ZBTB2: variants seen among roughly 807,000 people sequenced by gnomAD.
ZBTB2 encodes the protein zinc finger and BTB domain containing 2.
Under a neutral mutation model 39.5 loss-of-function variants are expected in ZBTB2, and 2 were observed. That is an observed-to-expected ratio of 0.05 (90% CI 0.02 to 0.16). ZBTB2 has a LOEUF of 0.16. Among genes scored for constraint, ZBTB2 ranks in the 10% least tolerant of loss-of-function variants. The pLI is 1.00. For missense variants in ZBTB2, 391 were observed against 653.0 expected, an observed-to-expected ratio of 0.60 and a Z score of 4.37; for synonymous variants, 251 against 256.6, an observed-to-expected ratio of 0.98 and a Z score of 0.21.
chr6:151,391,463 T>G lies in ZBTB2; in HGVS notation c.-56A>C, dbSNP rs79626929. On this transcript the variant is annotated 5_prime_UTR_variant, in exon 1 of 3. Transcript: ENST00000325144. ...CGGCGGGGGGTGTGGAGGAGGCGCC[T>G]CTGGGCAGCCTCGGCCGTGCTGTCC... The G allele has an allele frequency of 0.37, 55,869 of 151,754 alleles. 12,355 individuals carry two copies. The highest frequency in any genetic ancestry group is 0.69 in the East Asian group (3,400 of 4,960). The allele number at this position is 151,754 out of a possible 1,614,324, so 9.4% of individuals were successfully genotyped here.
intron 1 of ZBTB2, among the ~76,000 whole-genome samples, chr6:151,390,517 C>G (rs1351611751): frequency 2.7e-5 from 4 of 150,262 alleles, no homozygotes; most frequent in Non-Finnish European, 6.0e-5. Flanking sequence ...ACGCCCCGGC[C>G]GGCGCAACAG....
intron 1 of ZBTB2, among the ~76,000 whole-genome samples, chr6:151,381,197 G>GA (rs1779028107): frequency 6.6e-6 from 1 of 152,088 alleles, no homozygotes; most frequent in South Asian, 2.1e-4. Flanking sequence ...ATGACCTTGC[G>GA]AAAGGGCAAA....
intron 2 of ZBTB2, among the ~76,000 whole-genome samples, chr6:151,371,191 C>T (rs947180496): frequency 6.6e-6 from 1 of 152,184 alleles, no homozygotes. Context: ...GTTGTCCCAT[C>T]TGCTCCTCCA....
rs1272542854 is a variant in ZBTB2 at position 151,366,575 on chromosome 6, G to T, written c.491C>A (p.Ser164Tyr). 3 of 1,613,982 alleles carry T rather than the reference G, an allele frequency of 1.9e-6. No homozygotes were observed. In the African/African-American group the frequency reaches 4.0e-5, roughly 22 times the overall value. ...KLGRDPRPQT[S>Y]RISQEQVPEA... ...AGGGACCTGCTCCTGGCTTATCCTG[G>T]AGGTCTGTGGCCGTGGATCTCGCCC... Residue 164 changes from serine (S) to tyrosine (Y), a missense_variant, in exon 3 of 3, where the codon TCC becomes TAC. Ser to Tyr is a moderately radical substitution (Grantham distance 144, BLOSUM62 -2). Coordinates refer to ENST00000325144, the MANE Select transcript of ZBTB2 (RefSeq NM_020861.3). This position sits in a 1 kb window ranked among gnomAD's most constrained non-coding sequence, Gnocchi z 7.1.
At chr6:151,389,537 G>T (rs1221532894) in intron 1 of ZBTB2, among the ~76,000 whole-genome samples, 1 of 152,196 alleles carries the variant, frequency 6.6e-6, no homozygotes, top group Non-Finnish European at 1.5e-5. Context: ...AGCAAGGACA[G>T]GGCAGCGCGT....
chr6:151,387,220 C>T (rs533600056), intron 1 of ZBTB2, among the ~76,000 whole-genome samples: 30 of 152,230 alleles, frequency 2.0e-4, no homozygotes, highest in African/African-American at 6.7e-4. Context: ...TTAACTTTTC[C>T]TACTCTATTA....
chr6:151,382,600 G>A (rs1201368917), intron 1 of ZBTB2, among the ~76,000 whole-genome samples: 4 of 149,766 alleles, frequency 2.7e-5, no homozygotes, highest in Non-Finnish European at 5.9e-5. Context: ...GCCCAGGCTG[G>A]AGTGAAATGG....
chr6:151,370,831 A>C (rs1778773810), intron 2 of ZBTB2, among the ~76,000 whole-genome samples: 1 of 152,174 alleles, frequency 6.6e-6, no homozygotes, highest in South Asian at 2.1e-4. Flanking sequence ...TGAATTCTGC[A>C]CTAGGAGGCA....
rs532383354 is a variant in ZBTB2, at chr6:151,390,203, C to A, written c.-13+1217G>T. Among the ~76,000 whole-genome samples, 121 of 151,840 alleles carry A rather than the reference C, an allele frequency of 8.0e-4. 1 individual carries two copies. Among genetic ancestry groups the A allele is most frequent in the African/African-American group, 2.8e-3 (115 of 41,492 alleles). On this transcript the variant is annotated intron_variant, in intron 1 of 2. Transcript: ENST00000325144. ...CCGGCCTGCAGCCTCAGCGAGCAGG[C>A]GACAAGGGCGGCGCCACAGAGGCCG...
intron 1 of ZBTB2, among the ~76,000 whole-genome samples, chr6:151,383,786 C>T (rs1582923359): frequency 1.3e-5 from 2 of 152,040 alleles, no homozygotes; most frequent in South Asian, 2.1e-4. Flanking sequence ...CACACATACC[C>T]CTGCCCCTGC....
intron 2 of ZBTB2, among the ~76,000 whole-genome samples, chr6:151,372,917 G>C (rs911502545): frequency 4.6e-5 from 7 of 152,034 alleles, no homozygotes; most frequent in African/African-American, 1.7e-4. Context: ...CACTTTGGGA[G>C]GCCGAGGCGG....
At chr6:151,389,955 G>A (rs1044287323) in intron 1 of ZBTB2, among the ~76,000 whole-genome samples, 4 of 152,056 alleles carry the variant, frequency 2.6e-5, no homozygotes, top group East Asian at 1.9e-4. Flanking sequence ...AGGGTTTAGA[G>A]GTTTCGCTAC....
intron 1 of ZBTB2, among the ~76,000 whole-genome samples, chr6:151,385,063 A>T (rs988599206): frequency 6.6e-6 from 1 of 152,202 alleles, no homozygotes; most frequent in Non-Finnish European, 1.5e-5. Flanking sequence ...ACTAAATAAA[A>T]AACAAGTCAT....
At chr6:151,368,434 C>T (rs1778698600) in intron 2 of ZBTB2, among the ~76,000 whole-genome samples, 1 of 151,982 alleles carries the variant, frequency 6.6e-6, no homozygotes, top group Non-Finnish European at 1.5e-5. Flanking sequence ...CAGGTGTGAG[C>T]CACCGCGCCT....
intron 1 of ZBTB2, among the ~76,000 whole-genome samples, chr6:151,381,169 C>T (rs942032574): frequency 1.3e-5 from 2 of 152,156 alleles, no homozygotes; most frequent in African/African-American, 2.4e-5. Context: ...TTCATGCATC[C>T]ACCACACAAC....
chr6:151,385,011 C>A (rs1407453595), intron 1 of ZBTB2, among the ~76,000 whole-genome samples: 1 of 151,500 alleles, frequency 6.6e-6, no homozygotes, highest in African/African-American at 2.4e-5. Flanking sequence ...TATGTAAAAT[C>A]CCTAACCATT....
intron 1 of ZBTB2, among the ~76,000 whole-genome samples, chr6:151,386,047 A>G (rs1431456757): frequency 2.6e-5 from 4 of 152,112 alleles, no homozygotes; most frequent in Non-Finnish European, 5.9e-5. Context: ...TATTTTCCCT[A>G]TGTTTACACT....
rs1463816838 is a variant in ZBTB2, at chr6:151,373,697, A to T, written c.-12-48T>A. The T allele has an allele frequency of 1.2e-4, 179 of 1,554,074 alleles. 1 individual carries two copies. Among genetic ancestry groups the T allele is most frequent in the Non-Finnish European group, 9.7e-6 (11 of 1,138,742 alleles). ...TTTAAGAAGGTGATTCACAAATAAG[A>T]ATGTGTCCTTTATAGTCACCAACAG... On this transcript the variant is annotated intron_variant, in intron 1 of 2. Transcript: ENST00000325144.
At chr6:151,378,848 T>C (rs1486792019) in intron 1 of ZBTB2, among the ~76,000 whole-genome samples, 1 of 152,242 alleles carries the variant, frequency 6.6e-6, no homozygotes, top group East Asian at 1.9e-4. Context: ...GTGCTACTAT[T>C]GGCCATCATT....
Sources: allele counts gnomAD v4.1 joint callset (sites outside exome capture counted in the v4.1 genomes callset), GRCh38; gene constraint gnomAD v4.1.1; non-coding constraint Gnocchi (gnomAD v3.1); transcripts MANE v1.5; gene names NCBI Gene and HGNC (gene_info 2026-07-23, HGNC 2026-07-21).